KLHL32: variants seen among roughly 807,000 people sequenced by gnomAD.
KLHL32 encodes kelch like family member 32.
Under a neutral mutation model 64.8 loss-of-function variants are expected in KLHL32, and 35 were observed. The ratio of observed to expected loss-of-function variants is 0.54; its 90% CI spans 0.41 to 0.72. The LOEUF (loss-of-function observed/expected upper bound fraction) is 0.72, where lower values mean the gene tolerates loss of function less well. Among genes scored for constraint, KLHL32 ranks in the 30% least tolerant of loss-of-function variants. KLHL32 has a pLI of 0.00. For missense variants in KLHL32, 589 were observed against 768.5 expected, an observed-to-expected ratio of 0.77 and a Z score of 2.76; for synonymous variants, 259 against 281.0, an observed-to-expected ratio of 0.92 and a Z score of 0.78.
In KLHL32 at chr6:97,108,974, A is replaced by C. The variant is rs111972723; in HGVS notation, c.628-4809A>C. 3.2e-3 allele frequency among the ~76,000 whole-genome samples: 494 copies of C among 152,364 alleles called. 3 individuals carry two copies. The highest frequency in any genetic ancestry group is 0.011 in the African/African-American group (467 of 41,578). Reference sequence around the variant, plus strand: ...GAACAGTTAATAAATACAGCTTCGTAGAGTAACTAAATTCATGACAGCCTG... The same window carrying C: ...GAACAGTTAATAAATACAGCTTCGTCGAGTAACTAAATTCATGACAGCCTG... On this transcript the variant is annotated intron_variant, in intron 6 of 10. Coordinates refer to ENST00000369261, the MANE Select transcript of KLHL32 (RefSeq NM_052904.4).
chr6:97,046,421 C>G (rs149800253), intron 4 of KLHL32, among the ~76,000 whole-genome samples: 3 of 151,738 alleles, frequency 2.0e-5, no homozygotes, highest in Non-Finnish European at 4.4e-5. Context: ...CTTTGTTATA[C>G]TTTGTTGAAG....
chr6:97,064,500 G>A, intron 4 of KLHL32, 128 bp from the exon 5 acceptor site: 1 of 667,176 alleles, frequency 1.5e-6, no homozygotes, highest in African/African-American at 1.8e-5. Flanking sequence ...CCATAAAAAG[G>A]AACAGTGTTA....
intron 5 of KLHL32, among the ~76,000 whole-genome samples, chr6:97,069,314 T>A (rs1790326348): frequency 6.6e-6 from 1 of 152,170 alleles, no homozygotes. Flanking sequence ...AAATTAGTTA[T>A]TTTCTCTCTT....
At chr6:97,079,592 T>C (rs1420927261) in intron 5 of KLHL32, among the ~76,000 whole-genome samples, 1 of 152,170 alleles carries the variant, frequency 6.6e-6, no homozygotes, top group Non-Finnish European at 1.5e-5. Context: ...TATATAAAGT[T>C]TAAAAATTAT....
At chr6:96,952,257 AT>A (rs1315367126) in intron 1 of KLHL32, among the ~76,000 whole-genome samples, 1 of 152,182 alleles carries the variant, frequency 6.6e-6, no homozygotes, top group African/African-American at 2.4e-5. Flanking sequence ...TCTTAAATGT[AT>A]GTATAGCTCA....
At chr6:96,988,903 A>G (rs970869748) in intron 3 of KLHL32, among the ~76,000 whole-genome samples, 2 of 151,778 alleles carry the variant, frequency 1.3e-5, no homozygotes, top group South Asian at 4.2e-4. Flanking sequence ...GAATTGAACA[A>G]TGAGAACACA....
chr6:96,964,480 C>T (rs1372041660), intron 1 of KLHL32, among the ~76,000 whole-genome samples: 1 of 152,134 alleles, frequency 6.6e-6, no homozygotes, highest in Non-Finnish European at 1.5e-5. Flanking sequence ...GGTGAAACCC[C>T]GTCTCTACTT....
At chr6:97,083,058 C>G (rs1792816510) in intron 5 of KLHL32, among the ~76,000 whole-genome samples, 1 of 152,132 alleles carries the variant, frequency 6.6e-6, no homozygotes, top group South Asian at 2.1e-4. Flanking sequence ...CATACATTAT[C>G]TTTATGCCAA....
At chr6:97,119,503 T>G (rs1798145884) in intron 7 of KLHL32, among the ~76,000 whole-genome samples, 1 of 152,144 alleles carries the variant, frequency 6.6e-6, no homozygotes, top group East Asian at 1.9e-4. Flanking sequence ...CCACTGCATT[T>G]TTTAATTGGG....
chr6:97,138,049 G>T (rs1214952670), intron 10 of KLHL32, among the ~76,000 whole-genome samples: 1 of 152,174 alleles, frequency 6.6e-6, no homozygotes, highest in Non-Finnish European at 1.5e-5. Flanking sequence ...AAATCCACGG[G>T]AGGCAAATGT....
intron 6 of KLHL32, among the ~76,000 whole-genome samples, chr6:97,107,404 A>G (rs1426713361): frequency 2.7e-5 from 4 of 150,426 alleles, no homozygotes; most frequent in African/African-American, 1.0e-4. Context: ...AATACATGGT[A>G]TAAGTTAAAA....
intron 4 of KLHL32, among the ~76,000 whole-genome samples, chr6:97,057,398 G>C (rs1788152362): frequency 1.1e-5 from 1 of 92,656 alleles, no homozygotes. Context: ...TAGCCAGGAT[G>C]GTCTCGATCT....
chr6:97,069,141 A>C (rs548677674), intron 5 of KLHL32, among the ~76,000 whole-genome samples: 1 of 152,296 alleles, frequency 6.6e-6, no homozygotes, highest in African/African-American at 2.4e-5. Context: ...TCATCGAGTA[A>C]AGCAAAGCCC....
intron 3 of KLHL32, among the ~76,000 whole-genome samples, chr6:96,997,678 G>A (rs1778560978): frequency 6.6e-6 from 1 of 152,098 alleles, no homozygotes; most frequent in African/African-American, 2.4e-5. Context: ...GGTGGAGGCT[G>A]TAGTGAGCCA....
the KLHL32 span, among the ~76,000 whole-genome samples, chr6:96,902,437 A>G: frequency 3.3e-5 from 5 of 151,850 alleles, no homozygotes; most frequent in Non-Finnish European, 1.5e-5. Context: ...CATACTTTTT[A>G]ATTGGATTAT....
At chr6:96,987,179 T>G (rs1482659309) in intron 3 of KLHL32, among the ~76,000 whole-genome samples, 1 of 152,242 alleles carries the variant, frequency 6.6e-6, no homozygotes, top group East Asian at 1.9e-4. Context: ...TTCATTGATT[T>G]TTTGAAGGGT....
chr6:97,083,434 T>C (rs1341826857), intron 5 of KLHL32, among the ~76,000 whole-genome samples: 1 of 151,440 alleles, frequency 6.6e-6, no homozygotes, highest in East Asian at 1.9e-4. Context: ...AGAGATTCAG[T>C]GACTGACCCG....
chr6:97,132,957 G>A (rs1326378465), intron 10 of KLHL32, among the ~76,000 whole-genome samples: 1 of 151,930 alleles, frequency 6.6e-6, no homozygotes, highest in Non-Finnish European at 1.5e-5. Flanking sequence ...ATAAAAATGA[G>A]GATGAATTTT....
intron 6 of KLHL32, among the ~76,000 whole-genome samples, chr6:97,086,927 C>A (rs1793502631): frequency 6.6e-6 from 1 of 152,208 alleles, no homozygotes; most frequent in African/African-American, 2.4e-5. Context: ...CTGAGGCTAA[C>A]CATCCTTGTG....
Sources: gnomAD v4.1 joint callset for allele counts (sites outside exome capture counted in the v4.1 genomes callset) on GRCh38, gnomAD v4.1.1 for gene constraint, MANE v1.5 for transcripts, NCBI Gene and HGNC (gene_info 2026-07-23, HGNC 2026-07-21) for gene names.